SEMA3A: variants seen among roughly 807,000 people sequenced by gnomAD.
SEMA3A encodes the protein semaphorin-3A.
A neutral mutation model predicts 97.9 loss-of-function variants in SEMA3A; 29 were observed. The ratio of observed to expected loss-of-function variants is 0.30; its 90% CI spans 0.22 to 0.40. The LOEUF (loss-of-function observed/expected upper bound fraction) is 0.40, where lower values mean the gene tolerates loss of function less well. Among genes scored for constraint, SEMA3A ranks in the 10% least tolerant of loss-of-function variants. SEMA3A has a pLI of 1.00. For synonymous variants in SEMA3A, 321 were observed against 323.7 expected, an observed-to-expected ratio of 0.99 and a Z score of 0.09; for missense variants, 763 against 951.3, an observed-to-expected ratio of 0.80 and a Z score of 2.60.
intron 3 of SEMA3A, among the ~76,000 whole-genome samples, chr7:84,236,669 GAA>G (rs1029974524): frequency 1.3e-5 from 2 of 152,016 alleles, no homozygotes; most frequent in African/African-American, 4.8e-5. Context: ...ATTTGATATA[GAA>G]AAAGAGTTTG....
intron 4 of SEMA3A, among the ~76,000 whole-genome samples, chr7:84,104,978 C>CA (rs972313952): frequency 6.6e-6 from 1 of 152,142 alleles, no homozygotes; most frequent in African/African-American, 2.4e-5. Context: ...ACTTTAATCA[C>CA]ATTTGGCTCA....
intron 4 of SEMA3A, among the ~76,000 whole-genome samples, chr7:84,072,713 C>T (rs1198094545): frequency 6.6e-6 from 1 of 151,790 alleles, no homozygotes; most frequent in African/African-American, 2.4e-5. Context: ...AAGGAGTATA[C>T]CACGAAGTAC....
At position 84,014,288 on chromosome 7, in the gene SEMA3A, T is replaced by A. The variant is rs1791003882; in HGVS notation, c.731A>T (p.Tyr244Phe). The change falls in exon 7 of 17, where the codon TAC becomes TTC. Residue 244 changes from tyrosine to phenylalanine, a missense_variant. Tyr to Phe is a conservative substitution (Grantham distance 22). This residue lies in a region of SEMA3A where 678 missense variants were observed against 881.3 expected (regional missense o/e 0.77). Coordinates refer to ENST00000265362, the MANE Select transcript of SEMA3A (RefSeq NM_006080.3). ...ESDNPEDDKV[Y>F]FFFRENAIDG... The stretch of plus-strand genomic sequence containing the variant: ...TATTGCATTTTCACGGAAGAAAAAG[T>A]ATACTTTGTCATCTTCAGGATTGTC... 1 of 1,613,130 alleles carries A rather than the reference T, an allele frequency of 6.2e-7. No individual in the cohort carries two copies. The highest frequency in any genetic ancestry group is 1.3e-5 in the African/African-American group (1 of 74,882).
intron 1 of SEMA3A, among the ~76,000 whole-genome samples, chr7:84,416,851 A>C (rs1804449871): frequency 6.6e-6 from 1 of 152,144 alleles, no homozygotes; most frequent in Non-Finnish European, 1.5e-5. Flanking sequence ...ACTTGGAGCA[A>C]AAGACAAACT....
chr7:84,287,994 T>G (rs1442963769), intron 3 of SEMA3A, among the ~76,000 whole-genome samples: 2 of 152,228 alleles, frequency 1.3e-5, no homozygotes, highest in Non-Finnish European at 2.9e-5. Context: ...CTGAGAATCA[T>G]CACTGCACCA....
chr7:84,269,697 T>A (rs1800095077), intron 3 of SEMA3A, among the ~76,000 whole-genome samples: 1 of 152,164 alleles, frequency 6.6e-6, no homozygotes, highest in Non-Finnish European at 1.5e-5. Context: ...TGTATTGTTA[T>A]TATTTAGGTT....
At chr7:84,392,525 A>C (rs911488353) in intron 1 of SEMA3A, among the ~76,000 whole-genome samples, 25 of 152,192 alleles carry the variant, frequency 1.6e-4, no homozygotes, top group Non-Finnish European at 3.2e-4. Context: ...TGCTGCAATA[A>C]ACATGGATGT....
rs565893929 is a variant in SEMA3A at position 84,079,843 on chromosome 7, C to T, written c.454-19285G>A. Among the ~76,000 whole-genome samples the T allele has an allele frequency of 4.3e-4, 61 of 141,486 alleles. 1 individual carries two copies. Among genetic ancestry groups the T allele is most frequent in the African/African-American group, 1.7e-3 (61 of 35,126 alleles). 92.8% of individuals were successfully genotyped at this position (141,486 alleles called of 152,430 possible). ...AGAAATACCATTTGACCCAGCCATC[C>T]CATTACTGGGTATATACCCAAAGGA... is the stretch of plus-strand genomic sequence containing the variant. On this transcript the variant is annotated intron_variant, in intron 4 of 16. Coordinates refer to ENST00000265362, the MANE Select transcript of SEMA3A (RefSeq NM_006080.3).
chr7:84,402,919 G>A (rs896490839), intron 1 of SEMA3A, among the ~76,000 whole-genome samples: 1 of 152,160 alleles, frequency 6.6e-6, no homozygotes, highest in African/African-American at 2.4e-5. Flanking sequence ...GGGTAGTGGG[G>A]TAGAGAGTTG....
chr7:84,269,031 T>C (rs1800079268), intron 3 of SEMA3A, among the ~76,000 whole-genome samples: 1 of 152,178 alleles, frequency 6.6e-6, no homozygotes, highest in Non-Finnish European at 1.5e-5. Flanking sequence ...GCTTCTTTCC[T>C]TTCTTCATTC....
chr7:83,972,347 CATTT>C (rs1443152190), intron 15 of SEMA3A, among the ~76,000 whole-genome samples: 2 of 151,804 alleles, frequency 1.3e-5, no homozygotes, highest in Non-Finnish European at 2.9e-5. Context: ...GGCTGAAACT[CATTT>C]ACTTAAAAAG....
chr7:84,056,637 A>G (rs906856604), intron 5 of SEMA3A, among the ~76,000 whole-genome samples: 13 of 152,160 alleles, frequency 8.5e-5, no homozygotes, highest in Non-Finnish European at 1.8e-4. Context: ...ACACACACAC[A>G]CATACACACA....
At chr7:84,286,118 A>T (rs1800582854) in intron 3 of SEMA3A, among the ~76,000 whole-genome samples, 1 of 152,270 alleles carries the variant, frequency 6.6e-6, no homozygotes, top group South Asian at 2.1e-4. Context: ...TTGTTAAAAA[A>T]TTTTAAAATT....
chr7:84,052,254 T>C (rs1049651946), intron 5 of SEMA3A, among the ~76,000 whole-genome samples: 6 of 152,170 alleles, frequency 3.9e-5, no homozygotes, highest in African/African-American at 1.4e-4. Context: ...TTCCCTCTTT[T>C]TCTATTGATT....
At chr7:84,299,678 A>G (rs992697822) in intron 3 of SEMA3A, among the ~76,000 whole-genome samples, 1 of 151,812 alleles carries the variant, frequency 6.6e-6, no homozygotes, top group South Asian at 2.1e-4. Flanking sequence ...TAATATAAAG[A>G]GAACTTGGAG....
chr7:83,992,578 C>G (rs1038177399), intron 12 of SEMA3A, among the ~76,000 whole-genome samples: 2 of 151,820 alleles, frequency 1.3e-5, no homozygotes, highest in African/African-American at 4.8e-5. Context: ...CCTTATGTAC[C>G]CAGTAGTCAC....
intron 1 of SEMA3A, among the ~76,000 whole-genome samples, chr7:84,380,699 C>T (rs537179032): frequency 6.6e-6 from 1 of 152,294 alleles, no homozygotes; most frequent in South Asian, 2.1e-4. Context: ...GCAACTTTAA[C>T]TAAAATCAAG....
At chr7:84,151,521 G>A (rs948689154) in intron 1 of SEMA3A, among the ~76,000 whole-genome samples, 11 of 151,890 alleles carry the variant, frequency 7.2e-5, no homozygotes, top group African/African-American at 2.7e-4. Context: ...GAAATGAAGC[G>A]AGAAGGGAAG....
intron 1 of SEMA3A, among the ~76,000 whole-genome samples, chr7:84,189,635 C>T (rs1301411275): frequency 4.6e-5 from 7 of 151,544 alleles, no homozygotes; most frequent in Non-Finnish European, 1.0e-4. Context: ...AACCTGAAAA[C>T]ATGATAGAAA....
Sources: allele counts gnomAD v4.1 joint callset (sites outside exome capture counted in the v4.1 genomes callset), GRCh38; gene constraint gnomAD v4.1.1; regional missense constraint gnomAD v4.1.1; transcripts MANE v1.5; gene names NCBI Gene and HGNC (gene_info 2026-07-23, HGNC 2026-07-21).